The following TNRC6A variants were observed in gnomAD, a reference collection of about 807,000 sequenced individuals.
TNRC6A encodes the protein trinucleotide repeat containing adaptor 6A.
TNRC6A carries 44 observed loss-of-function variants against 221.2 expected under a neutral mutation model. The ratio of observed to expected loss-of-function variants is 0.20; its 90% confidence interval spans 0.16 to 0.26. TNRC6A has a LOEUF of 0.26. Among genes scored for constraint, TNRC6A ranks in the 10% least tolerant of loss-of-function variants. The probability of loss-of-function intolerance (pLI) is 1.00; values close to 1 mark genes in which losing one functional copy is unlikely to be tolerated. For missense variants in TNRC6A, 2,199 were observed against 2,404.4 expected (o/e 0.91, Z 1.79); for synonymous variants, 847 against 838.5 (o/e 1.01, Z -0.18).
chr16:24,738,061 G>T (rs781231560), intron 2 of TNRC6A, among the ~76,000 whole-genome samples: 14 of 152,196 alleles, frequency 9.2e-5, no homozygotes, highest in Admixed American at 3.9e-4. Flanking sequence ...CTACACTGCT[G>T]CAGGTTAATC....
intron 2 of TNRC6A, among the ~76,000 whole-genome samples, chr16:24,689,591 G>A (rs1291659484): frequency 2.0e-5 from 3 of 151,746 alleles, no homozygotes; most frequent in Non-Finnish European, 4.4e-5. Context: ...ACATTTTTCG[G>A]AGCTCCTATG....
chr16:24,717,101 T>G (rs1265741028), intron 2 of TNRC6A, among the ~76,000 whole-genome samples: 1 of 152,182 alleles, frequency 6.6e-6, no homozygotes, highest in Non-Finnish European at 1.5e-5. Context: ...ATTTATTTAT[T>G]GAGACAGGGC....
intron 4 of TNRC6A, chr16:24,776,166 A>G (rs933153500): frequency 4.0e-6 from 3 of 743,296 alleles, no homozygotes; most frequent in Non-Finnish European, 3.3e-6. Flanking sequence ...TACTTCTCCA[A>G]CTGGGTTTAC....
intron 2 of TNRC6A, among the ~76,000 whole-genome samples, chr16:24,681,895 G>A (rs1291697588): frequency 6.6e-6 from 1 of 152,184 alleles, no homozygotes; most frequent in East Asian, 1.9e-4. Flanking sequence ...CAAAAGGGAT[G>A]CATATTTTAA....
intron 2 of TNRC6A, among the ~76,000 whole-genome samples, chr16:24,696,671 G>T (rs555996587): frequency 1.4e-5 from 2 of 141,376 alleles, no homozygotes; most frequent in African/African-American, 5.3e-5. Flanking sequence ...CAAGGCTGCA[G>T]TGAGCTACGA....
intron 2 of TNRC6A, among the ~76,000 whole-genome samples, chr16:24,651,418 A>G (rs1902642691): frequency 6.6e-6 from 1 of 151,606 alleles, no homozygotes; most frequent in Non-Finnish European, 1.5e-5. Flanking sequence ...TGTGCCTGTA[A>G]TCCCAGCTAC....
At chr16:24,611,950 C>T (rs761438652) in intron 1 of TNRC6A, among the ~76,000 whole-genome samples, 95 of 151,978 alleles carry the variant, frequency 6.3e-4, no homozygotes, top group Non-Finnish European at 1.1e-3. Flanking sequence ...AAACAGTAGC[C>T]AAGCATCGTG....
intron 1 of TNRC6A, among the ~76,000 whole-genome samples, chr16:24,617,802 G>A (rs548842019): frequency 2.6e-5 from 4 of 152,306 alleles, no homozygotes; most frequent in African/African-American, 4.8e-5. Flanking sequence ...TCATATCCAC[G>A]GATGAGGAGG....
chr16:24,660,746 T>TTTTTTTTTTTTTTTTTTTCTTTTTTG (rs2055014650), intron 2 of TNRC6A, among the ~76,000 whole-genome samples: 1 of 136,228 alleles, frequency 7.3e-6, no homozygotes, highest in African/African-American at 2.8e-5. Context: ...TTTCTTTTTT[T>TTTTTTTTTTTTTTTTTTTCTTTTTTG]TTTTTTTTTT....
rs375749682 is a variant in TNRC6A, at chr16:24,823,400, C to T, written c.5514-32C>T. 14 of 1,579,642 alleles carry T rather than the reference C, an allele frequency of 8.9e-6. No individual in the cohort carries two copies. In the African/African-American group the frequency reaches 1.5e-4, roughly 17 times the overall value. On this transcript the variant is annotated intron_variant, in intron 24 of 24. Transcript: ENST00000395799. The surrounding 1 kb of genome is among the most constrained non-coding windows in gnomAD (Gnocchi z 4.3). ...GAATGAAGCCCTCCTGGTGTGCTGT[C>T]CTCACGTGTCCGCGGTGCCTCTCTC...
chr16:24,643,538 A>G (rs1161623500), intron 2 of TNRC6A, among the ~76,000 whole-genome samples: 1 of 151,880 alleles, frequency 6.6e-6, no homozygotes, highest in Non-Finnish European at 1.5e-5. Flanking sequence ...TGCACGCTCT[A>G]TTTTCTTCCA....
At chr16:24,710,480 C>T (rs985339074) in intron 2 of TNRC6A, among the ~76,000 whole-genome samples, 4 of 151,970 alleles carry the variant, frequency 2.6e-5, no homozygotes, top group Non-Finnish European at 5.9e-5. Context: ...TGGTGGTGCA[C>T]GCCTGTAGTC....
Position 24,683,429 on chromosome 16 carries a change from C to A in TNRC6A, n.402+42420C>A, listed in dbSNP as rs867460575. Among the ~76,000 whole-genome samples the A allele has an allele frequency of 2.0e-5, 3 of 152,116 alleles. 1 individual carries two copies. Among genetic ancestry groups the A allele is most frequent in the South Asian group, 4.1e-4 (2 of 4,830 alleles). On this transcript the variant is annotated intron_variant and non_coding_transcript_variant, in intron 2 of 2. Coordinates refer to the TNRC6A transcript ENST00000566108. ...CCCAGGCTGGTTTTAAACACCTGTGCTCAAGCGATCCTCCCACTTGGCCTC... is the reference window on the plus strand; with the variant it reads ...CCCAGGCTGGTTTTAAACACCTGTGATCAAGCGATCCTCCCACTTGGCCTC...
In TNRC6A at chr16:24,780,558, A is replaced by G. The variant is rs575012198; in HGVS notation, c.589+3200A>G. 2.0e-5 allele frequency among the ~76,000 whole-genome samples: 3 copies of G among 152,354 alleles called. No homozygotes were observed. The South Asian group carries it at 6.2e-4, about 32-fold the overall frequency. ...TAAAATATAAAGCATATAGAACACTATGTATTGCTTAGGGGATGAATTCAA... is the reference window on the plus strand; with the variant it reads ...TAAAATATAAAGCATATAGAACACTGTGTATTGCTTAGGGGATGAATTCAA... On this transcript the variant is annotated intron_variant, in intron 5 of 24. Coordinates refer to ENST00000395799, the MANE Select transcript of TNRC6A (RefSeq NM_014494.4).
Position 24,622,230 on chromosome 16 carries a change from G to A in TNRC6A, n.276+11746G>A, listed in dbSNP as rs575311230. ...AGCCTAGGAACTCAAGACCAACATA[G>A]CAAGACTCTATCCCTAAGAAAAAAA... On this transcript the variant is annotated intron_variant and non_coding_transcript_variant, in intron 1 of 2. Coordinates refer to the TNRC6A transcript ENST00000566108. 3.3e-4 allele frequency among the ~76,000 whole-genome samples: 50 copies of A among 152,132 alleles called. No homozygotes were observed. In the South Asian group the frequency reaches 9.8e-3, roughly 30 times the overall value.
chr16:24,671,286 T>C (rs902712604), intron 2 of TNRC6A, among the ~76,000 whole-genome samples: 3 of 152,174 alleles, frequency 2.0e-5, no homozygotes, highest in Admixed American at 6.5e-5. Context: ...AAGAGATTCA[T>C]ACGGCTTAAG....
At chr16:24,679,949 A>G (rs2055498095) in intron 2 of TNRC6A, among the ~76,000 whole-genome samples, 1 of 152,210 alleles carries the variant, frequency 6.6e-6, no homozygotes, top group Non-Finnish European at 1.5e-5. Context: ...TATTCACTCC[A>G]GGATATCATC....
intron 21 of TNRC6A, 62 bp from the exon 22 acceptor site, chr16:24,820,077 T>A: frequency 6.8e-7 from 1 of 1,472,672 alleles, no homozygotes; most frequent in Non-Finnish European, 9.4e-7. Flanking sequence ...ATGTCATTAT[T>A]TAAATTTCCT....
At chr16:24,762,989 T>G (rs1242123656) in intron 4 of TNRC6A, among the ~76,000 whole-genome samples, 1 of 151,562 alleles carries the variant, frequency 6.6e-6, no homozygotes, top group Non-Finnish European at 1.5e-5. Context: ...GTAGATTTTT[T>G]TTTTTTAAAT....
Sources: gnomAD v4.1 joint callset for allele counts (sites outside exome capture counted in the v4.1 genomes callset) on GRCh38, gnomAD v4.1.1 for gene constraint, Gnocchi (gnomAD v3.1) non-coding constraint, MANE v1.5 for transcripts, NCBI Gene and HGNC (gene_info 2026-07-23, HGNC 2026-07-21) for gene names.